Variants in EYS observed in about 807,000 individuals in gnomAD.
EYS encodes the protein protein eyes shut homolog.
EYS carries 250 observed loss-of-function variants against 282.1 expected under a neutral mutation model. The observed-to-expected ratio is 0.89, with a 90% CI of 0.80 to 0.98. EYS has a LOEUF of 0.98. EYS is among the 50% of genes least tolerant of loss of function. The pLI, the probability that EYS is intolerant of heterozygous loss-of-function variation, is 0.00. For missense variants in EYS, 4,016 were observed against 3,709.0 expected (o/e 1.08, Z -2.15); for synonymous variants, 1,355 against 1,282.9 (o/e 1.06, Z -1.20).
chr6:64,274,923 A>T (rs1262853543), intron 30 of EYS, among the ~76,000 whole-genome samples: 1 of 152,202 alleles, frequency 6.6e-6, no homozygotes, highest in African/African-American at 2.4e-5. Context: ...GGCAGCTGGA[A>T]GCTGGAACAA....
At chr6:64,431,761 T>C (rs2150460237) in intron 28 of EYS, among the ~76,000 whole-genome samples, 1 of 152,212 alleles carries the variant, frequency 6.6e-6, no homozygotes, top group East Asian at 1.9e-4. Context: ...CCTTCCTACC[T>C]AAATAATCTC....
chr6:64,314,297 A>T (rs986336799), intron 29 of EYS, among the ~76,000 whole-genome samples: 4 of 151,616 alleles, frequency 2.6e-5, no homozygotes, highest in African/African-American at 9.7e-5. Context: ...AGGGCATTAC[A>T]TAATGGTAAA....
Position 64,912,477 on chromosome 6 carries a change from C to T in EYS, c.2641+7G>A, listed in dbSNP as rs757160958. On this transcript the variant is annotated splice_region_variant and intron_variant, in intron 16 of 42. Coordinates refer to ENST00000503581, the MANE Select transcript of EYS (RefSeq NM_001142800.2). ...TTAAAAACAATAAAATCCATATTAG[C>T]TCTTACCTTCTCTACAAATACAATG... 6 of 1,549,710 alleles carry T rather than the reference C, an allele frequency of 3.9e-6. No homozygotes were observed. Among genetic ancestry groups the T allele is most frequent in the African/African-American group, 2.7e-5 (2 of 72,998 alleles).
chr6:65,703,470 A>G (rs1408711851), intron 1 of EYS, among the ~76,000 whole-genome samples: 1 of 152,070 alleles, frequency 6.6e-6, no homozygotes, highest in Non-Finnish European at 1.5e-5. Context: ...ATGGTTGCAT[A>G]TTAACTTATA....
At position 64,682,814 on chromosome 6, in the gene EYS, A is replaced by G. The variant is rs151005425; in HGVS notation, c.3444-56569T>C. Among the ~76,000 whole-genome samples, 1,150 of 152,140 alleles carry G rather than the reference A, an allele frequency of 7.6e-3. 11 individuals are homozygous for G. Among genetic ancestry groups the G allele is most frequent in the African/African-American group, 0.025 (1,019 of 41,512 alleles). On this transcript the variant is annotated intron_variant, in intron 22 of 42. Transcript: ENST00000503581. ...TGTTCTAAAGAACCTTTTTAAATAA[A>G]CTTCCGCTCCTGCTCTGAAACTTGC...
chr6:64,686,666 A>T (rs1196230732), intron 22 of EYS, among the ~76,000 whole-genome samples: 1 of 147,810 alleles, frequency 6.8e-6, no homozygotes, highest in African/African-American at 2.5e-5. Flanking sequence ...ACATGAATCC[A>T]GGAAGCGGGA....
intron 12 of EYS, among the ~76,000 whole-genome samples, chr6:65,074,161 T>C (rs989971467): frequency 6.6e-6 from 1 of 152,116 alleles, no homozygotes; most frequent in African/African-American, 2.4e-5. Context: ...TTTCTAACTC[T>C]AGAAATAAAC....
chr6:65,704,909 T>C (rs897242823), intron 1 of EYS, among the ~76,000 whole-genome samples: 4 of 152,220 alleles, frequency 2.6e-5, no homozygotes, highest in African/African-American at 7.2e-5. Flanking sequence ...AAAATTGTTT[T>C]CATCTTTATT....
chr6:65,181,748 C>T (rs1363276817), intron 12 of EYS, among the ~76,000 whole-genome samples: 1 of 152,102 alleles, frequency 6.6e-6, no homozygotes, highest in Non-Finnish European at 1.5e-5. Context: ...GCTATAAAGA[C>T]ACATGCACAC....
intron 12 of EYS, among the ~76,000 whole-genome samples, chr6:65,108,983 A>T (rs991104090): frequency 6.6e-6 from 1 of 150,966 alleles, no homozygotes; most frequent in African/African-American, 2.4e-5. Flanking sequence ...TCTTAAGTCC[A>T]CCCAGTGATT....
At chr6:65,451,968 AAATT>A (rs1582313625) in intron 5 of EYS, among the ~76,000 whole-genome samples, 2 of 152,010 alleles carry the variant, frequency 1.3e-5, no homozygotes, top group South Asian at 4.1e-4. Context: ...TTTTAAAGGA[AAATT>A]AATTTTTAAT....
At chr6:64,964,045 A>G (rs1429082821) in intron 14 of EYS, among the ~76,000 whole-genome samples, 1 of 152,036 alleles carries the variant, frequency 6.6e-6, no homozygotes, top group Non-Finnish European at 1.5e-5. Context: ...GGATTTTATA[A>G]AACCTTACAT....
intron 26 of EYS, among the ~76,000 whole-genome samples, chr6:64,507,369 C>T (rs1582832805): frequency 1.3e-5 from 2 of 152,038 alleles, no homozygotes; most frequent in East Asian, 1.9e-4. Context: ...GTCTTCATGG[C>T]TCTGTTATAT....
At chr6:65,312,778 C>T (rs1207430402) in intron 11 of EYS, among the ~76,000 whole-genome samples, 1 of 152,180 alleles carries the variant, frequency 6.6e-6, no homozygotes, top group African/African-American at 2.4e-5. Flanking sequence ...GGCAGAGCTT[C>T]AACGTTAAAC....
chr6:64,688,301 T>A (rs140654161), intron 22 of EYS, among the ~76,000 whole-genome samples: 3,185 of 152,292 alleles, frequency 0.021, 118 homozygotes, highest in African/African-American at 0.073. Context: ...TATCTAGTTC[T>A]TTTAATTGTG....
In EYS at chr6:65,437,947, G is replaced by A. The variant is rs111410048; in HGVS notation, c.863-32580C>T. Among the ~76,000 whole-genome samples, 12 of 151,782 alleles carry A rather than the reference G, an allele frequency of 7.9e-5. No homozygotes were observed. In the East Asian group the frequency reaches 1.9e-3, roughly 25 times the overall value. ...ATGTAAACATGTGCCATGTTGGTGT[G>A]CTGCACCCATTAACTCATCATTTAC... On this transcript the variant is annotated intron_variant, in intron 5 of 42. Transcript: ENST00000503581.
At chr6:64,605,084 T>A (rs1766880991) in intron 24 of EYS, among the ~76,000 whole-genome samples, 1 of 152,012 alleles carries the variant, frequency 6.6e-6, no homozygotes, top group Non-Finnish European at 1.5e-5. Context: ...TAGCACACAA[T>A]ATCACCAGCT....
intron 31 of EYS, among the ~76,000 whole-genome samples, chr6:64,127,116 T>C (rs557693523): frequency 6.6e-6 from 1 of 152,314 alleles, no homozygotes; most frequent in South Asian, 2.1e-4. Context: ...AACATACAAC[T>C]TTTAAAACTT....
intron 31 of EYS, among the ~76,000 whole-genome samples, chr6:64,121,862 C>G (rs1773599492): frequency 1.3e-5 from 2 of 152,126 alleles, no homozygotes; most frequent in Admixed American, 1.3e-4. Flanking sequence ...TCCCAGTACC[C>G]ATCATGGAGC....
Sources: gnomAD v4.1 joint callset for allele counts (sites outside exome capture counted in the v4.1 genomes callset) on GRCh38, gnomAD v4.1.1 for gene constraint, MANE v1.5 for transcripts, NCBI Gene and HGNC (gene_info 2026-07-23, HGNC 2026-07-21) for gene names.